PAK1: variants seen among roughly 807,000 people sequenced by gnomAD.
PAK1 encodes serine/threonine-protein kinase PAK 1.
A neutral mutation model predicts 67.4 loss-of-function variants in PAK1; 29 were observed. The observed-to-expected ratio is 0.43, with a 90% CI of 0.32 to 0.59. PAK1 has a LOEUF of 0.59. PAK1 is among the 20% of genes least tolerant of loss of function. The probability of loss-of-function intolerance (pLI) is 0.07; values close to 1 mark genes in which losing one functional copy is unlikely to be tolerated. For missense variants in PAK1, 337 were observed against 670.7 expected, an observed-to-expected ratio of 0.50 and a Z score of 5.50; for synonymous variants, 223 against 237.4, an observed-to-expected ratio of 0.94 and a Z score of 0.56.
chr11:77,410,672 A>G (rs552074737), intron 1 of PAK1, among the ~76,000 whole-genome samples: 1 of 150,986 alleles, frequency 6.6e-6, no homozygotes, highest in Non-Finnish European at 1.5e-5. Context: ...GGAAGGGTGA[A>G]GGGGACGGCG....
At chr11:77,349,421 C>G (rs1272796109) in intron 8 of PAK1, 134 bp from the exon 9 acceptor site, 1 of 707,304 alleles carries the variant, frequency 1.4e-6, no homozygotes, top group Non-Finnish European at 2.5e-6. Flanking sequence ...CTCCCTGCAG[C>G]ATCCATTCTC....
chr11:77,471,081 ATACTTGAG>A (rs1957831166), intron 1 of PAK1, among the ~76,000 whole-genome samples: 1 of 152,212 alleles, frequency 6.6e-6, no homozygotes, highest in Admixed American at 6.5e-5. Flanking sequence ...CATTCAACAA[ATACTTGAG>A]TGCCTGCTAT....
chr11:77,362,347 T>C (rs1591941669), intron 5 of PAK1, among the ~76,000 whole-genome samples: 2 of 152,248 alleles, frequency 1.3e-5, no homozygotes, highest in South Asian at 4.1e-4. Context: ...ATATACTTTA[T>C]GTACTTTTCC....
chr11:77,511,268 G>A, the PAK1 span, among the ~76,000 whole-genome samples: 2 of 152,222 alleles, frequency 1.3e-5, no homozygotes, highest in South Asian at 4.2e-4. Context: ...CAGGATGGTG[G>A]TGGCAAAAAC....
chr11:77,447,252 G>A (rs1396823696), intron 1 of PAK1, among the ~76,000 whole-genome samples: 1 of 152,146 alleles, frequency 6.6e-6, no homozygotes, highest in African/African-American at 2.4e-5. Flanking sequence ...CTTTGTGTTT[G>A]GGCTCTCCCT....
At chr11:77,444,444 C>T (rs1956505181) in intron 1 of PAK1, among the ~76,000 whole-genome samples, 1 of 152,066 alleles carries the variant, frequency 6.6e-6, no homozygotes, top group Admixed American at 6.6e-5. Flanking sequence ...TTGGCCTAAC[C>T]CCCAGAGCCA....
At chr11:77,346,368 G>A (rs563893785) in intron 9 of PAK1, among the ~76,000 whole-genome samples, 16 of 152,282 alleles carry the variant, frequency 1.1e-4, no homozygotes, top group Admixed American at 8.5e-4. Flanking sequence ...TCCTGTAACA[G>A]AAAAAGAACT....
chr11:77,513,876 T>C, the PAK1 span, among the ~76,000 whole-genome samples: 1 of 152,118 alleles, frequency 6.6e-6, no homozygotes, highest in Non-Finnish European at 1.5e-5. Context: ...AGTCCCCTAT[T>C]AGGAGACTAA....
intron 14 of PAK1, among the ~76,000 whole-genome samples, chr11:77,324,010 C>T (rs1939043499): frequency 6.6e-6 from 1 of 152,100 alleles, no homozygotes; most frequent in African/African-American, 2.4e-5. Flanking sequence ...TCCAATAATG[C>T]TAATCATTCA....
upstream of PAK1, chr11:77,475,041 C>T (rs1357829783): frequency 6.6e-6 from 1 of 152,216 alleles, no homozygotes; most frequent in African/African-American, 2.4e-5. Context: ...AGTACCTTAA[C>T]TAGGTCTTCC....
At chr11:77,338,206 TC>T (rs1336192550) in intron 11 of PAK1, among the ~76,000 whole-genome samples, 3 of 152,186 alleles carry the variant, frequency 2.0e-5, no homozygotes, top group Admixed American at 6.5e-5. Flanking sequence ...TCTCAGCTTT[TC>T]TACTAAATCA....
chr11:77,500,839 G>A, the PAK1 span, among the ~76,000 whole-genome samples: 5 of 151,908 alleles, frequency 3.3e-5, no homozygotes, highest in Admixed American at 6.5e-5. Flanking sequence ...GTGAGACACT[G>A]TTTCAAAAAA....
chr11:77,381,352 C>G (rs1055788725), intron 2 of PAK1, among the ~76,000 whole-genome samples: 1 of 152,094 alleles, frequency 6.6e-6, no homozygotes, highest in Non-Finnish European at 1.5e-5. Flanking sequence ...AGATGGCATC[C>G]CACAGTTTTA....
At chr11:77,374,497 G>C (rs1284182294) in intron 4 of PAK1, 132 bp from the exon 5 acceptor site, 4 of 655,568 alleles carry the variant, frequency 6.1e-6, no homozygotes, top group Non-Finnish European at 1.1e-5. Context: ...TGGTACTACA[G>C]GCTAGATATC....
chr11:77,467,989 G>A (rs2135546520), intron 1 of PAK1, among the ~76,000 whole-genome samples: 1 of 152,268 alleles, frequency 6.6e-6, no homozygotes, highest in African/African-American at 2.4e-5. Flanking sequence ...GGACCTTAAA[G>A]ATATAGGCAG....
rs765657293 is a variant in PAK1, at chr11:77,374,308, T to C, written c.477+20A>G. 9 of 1,522,946 alleles carry C rather than the reference T, an allele frequency of 5.9e-6. No homozygotes were observed. The Admixed American group carries it at 8.4e-5, about 14-fold the overall frequency. The allele number at this position is 1,522,946 out of a possible 1,614,324, so 94.3% of individuals were successfully genotyped here. ...ACCTCCACATCTGCCCACATCAAAA[T>C]AGAGTAAATAAAGACTTACCAAGGC... On this transcript the variant is annotated intron_variant, in intron 5 of 14. Transcript: ENST00000356341.
At chr11:77,337,288 C>G in intron 12 of PAK1, 36 bp downstream of exon 12, 1 of 1,088,200 alleles carries the variant, frequency 9.2e-7, no homozygotes, top group Non-Finnish European at 1.4e-6. Flanking sequence ...GCCCCACAGG[C>G]AGAGAAGTAT....
intron 2 of PAK1, among the ~76,000 whole-genome samples, chr11:77,382,235 A>C (rs1179561720): frequency 1.3e-5 from 2 of 152,240 alleles, no homozygotes; most frequent in Non-Finnish European, 2.9e-5. Context: ...AGCTCAAAGC[A>C]TGAGTGGTTT....
intron 1 of PAK1, among the ~76,000 whole-genome samples, chr11:77,415,670 G>A (rs1013473902): frequency 6.6e-6 from 1 of 152,036 alleles, no homozygotes; most frequent in Admixed American, 6.6e-5. Flanking sequence ...GAACTTGCAG[G>A]ACTGGAAGTT....
Sources: gnomAD v4.1 joint callset for allele counts (sites outside exome capture counted in the v4.1 genomes callset) on GRCh38, gnomAD v4.1.1 for gene constraint, MANE v1.5 for transcripts, NCBI Gene and HGNC (gene_info 2026-07-23, HGNC 2026-07-21) for gene names.